SLC35F3: variants seen among roughly 807,000 people sequenced by gnomAD.
SLC35F3 encodes the protein putative thiamine transporter SLC35F3.
SLC35F3 carries 25 observed loss-of-function variants against 49.9 expected under a neutral mutation model. That is an observed-to-expected ratio of 0.50 (90% CI 0.37 to 0.70). The LOEUF (loss-of-function observed/expected upper bound fraction) is 0.70, where lower values mean the gene tolerates loss of function less well. Among genes scored for constraint, SLC35F3 ranks in the 30% least tolerant of loss-of-function variants. The pLI, the probability that SLC35F3 is intolerant of heterozygous loss-of-function variation, is 0.00. For synonymous variants in SLC35F3, 275 were observed against 265.4 expected (o/e 1.04, Z -0.35); for missense variants, 525 against 639.8 (o/e 0.82, Z 1.94).
intron 2 of SLC35F3, among the ~76,000 whole-genome samples, chr1:234,052,081 G>A (rs952245167): frequency 1.3e-5 from 2 of 152,178 alleles, no homozygotes; most frequent in Non-Finnish European, 2.9e-5. Context: ...TGTTCATCAG[G>A]GATATTGGTC....
chr1:234,037,436 A>T (rs1429063548), intron 2 of SLC35F3, among the ~76,000 whole-genome samples: 1 of 152,200 alleles, frequency 6.6e-6, no homozygotes, highest in African/African-American at 2.4e-5. Flanking sequence ...TTGGTATCAC[A>T]TTTTAACATG....
intron 2 of SLC35F3, among the ~76,000 whole-genome samples, chr1:233,931,066 G>T (rs910233264): frequency 6.6e-6 from 1 of 152,128 alleles, no homozygotes; most frequent in Non-Finnish European, 1.5e-5. Context: ...AAATGGTGTC[G>T]GGAAAACTGG....
chr1:234,164,334 G>A (rs538496081), intron 2 of SLC35F3, among the ~76,000 whole-genome samples: 8 of 134,338 alleles, frequency 6.0e-5, no homozygotes, highest in East Asian at 2.2e-4. Context: ...ATCTCTCTCC[G>A]TCTTTCTCTC....
At chr1:234,066,892 C>G (rs1390966377) in intron 2 of SLC35F3, among the ~76,000 whole-genome samples, 7 of 149,880 alleles carry the variant, frequency 4.7e-5, no homozygotes. Flanking sequence ...ATTAAAATCT[C>G]TGTTATTGCA....
At chr1:234,096,156 T>G (rs1665114526) in intron 2 of SLC35F3, among the ~76,000 whole-genome samples, 1 of 152,206 alleles carries the variant, frequency 6.6e-6, no homozygotes, top group Non-Finnish European at 1.5e-5. Context: ...AATATTTCCT[T>G]TTCTCCCCTC....
chr1:234,055,425 C>G (rs765132499), intron 2 of SLC35F3, among the ~76,000 whole-genome samples: 3 of 152,194 alleles, frequency 2.0e-5, no homozygotes, highest in South Asian at 2.1e-4. Flanking sequence ...TAGCAGTGAG[C>G]AAGGCTCCAT....
intron 2 of SLC35F3, among the ~76,000 whole-genome samples, chr1:234,105,987 G>A (rs1371951248): frequency 6.6e-6 from 1 of 152,186 alleles, no homozygotes; most frequent in Admixed American, 6.5e-5. Flanking sequence ...TCAGAGCAAA[G>A]AAACTGTAGG....
intron 3 of SLC35F3, among the ~76,000 whole-genome samples, chr1:234,293,984 A>G (rs542271297): frequency 3.9e-5 from 6 of 152,338 alleles, no homozygotes; most frequent in East Asian, 1.9e-4. Flanking sequence ...ACAAGTCGTT[A>G]TGTCTCTTCA....
rs1264981690 is a variant in SLC35F3, at chr1:233,918,309, T to C, written c.283+12551T>C. Among the ~76,000 whole-genome samples, 3 of 152,234 alleles carry C rather than the reference T, an allele frequency of 2.0e-5. No homozygotes were observed. The East Asian group carries it at 5.8e-4, about 29-fold the overall frequency. The stretch of plus-strand genomic sequence containing the variant: ...GCTGCCAGAATCTCTTGGCCACCTG[T>C]GCCTGATAAGATGGCTGTGTGTGAT... On this transcript the variant is annotated intron_variant, in intron 2 of 7. Coordinates refer to ENST00000366618, the MANE Select transcript of SLC35F3 (RefSeq NM_173508.4).
rs570373988 is a variant in SLC35F3 at position 234,291,846 on chromosome 1, C to T, written c.609-17255C>T. Among the ~76,000 whole-genome samples, 10 of 152,308 alleles carry T rather than the reference C, an allele frequency of 6.6e-5. No individual in the cohort carries two copies. In the South Asian group the frequency reaches 2.1e-3, roughly 32 times the overall value. On this transcript the variant is annotated intron_variant, in intron 3 of 7. Transcript: ENST00000366618. ...TTGGTCCTTGTACTTTCCAAATACA[C>T]TTTAAGGCAAAAGCCAAAAATATTG...
intron 3 of SLC35F3, among the ~76,000 whole-genome samples, chr1:234,304,574 T>C (rs1255344669): frequency 6.6e-6 from 1 of 152,232 alleles, no homozygotes; most frequent in Non-Finnish European, 1.5e-5. Context: ...CACATACCTA[T>C]ATAAATCCTT....
At chr1:234,043,773 A>G (rs1462361694) in intron 2 of SLC35F3, among the ~76,000 whole-genome samples, 1 of 152,216 alleles carries the variant, frequency 6.6e-6, no homozygotes, top group Non-Finnish European at 1.5e-5. Flanking sequence ...TCTGTTATGT[A>G]GTTTGTATTA....
intron 3 of SLC35F3, among the ~76,000 whole-genome samples, chr1:234,302,028 AG>A (rs1668700463): frequency 1.3e-5 from 2 of 152,122 alleles, no homozygotes; most frequent in African/African-American, 4.8e-5. Flanking sequence ...AACACACACC[AG>A]GGCCTGTTGA....
chr1:234,266,875 T>TA lies in SLC35F3; in HGVS notation c.608+35134_608+35135insA, dbSNP rs1218082979. 5.5e-3 allele frequency among the ~76,000 whole-genome samples: 764 copies of TA among 139,254 alleles called. 6 individuals are homozygous for TA. The highest frequency in any genetic ancestry group is 0.021 in the African/African-American group (728 of 33,882). 91.4% of individuals were successfully genotyped at this position (139,254 alleles called of 152,430 possible). On this transcript the variant is annotated intron_variant, in intron 3 of 7. Coordinates refer to ENST00000366618, the MANE Select transcript of SLC35F3 (RefSeq NM_173508.4). ...AAAATGTCCATATGAAGCACATGGT[T>TA]TTTTTTTTTTTTTTTTTTTTTTATT... is the stretch of plus-strand genomic sequence containing the variant.
rs1268708559 is a variant in SLC35F3, at chr1:234,275,563, GTAGGTAGGTAGT to G, written c.609-33526_609-33515del. On this transcript the variant is annotated intron_variant, in intron 3 of 7. Coordinates refer to ENST00000366618, the MANE Select transcript of SLC35F3 (RefSeq NM_173508.4). ...GATAGATAGGTGGGTGGGTTGGCTT[GTAGGTAGGTAGT>G]TAGGTAGGTAGATAGACAGACAGAC... Among the ~76,000 whole-genome samples the G allele has an allele frequency of 2.7e-5, 4 of 150,450 alleles. No individual in the cohort carries two copies. In the East Asian group the frequency reaches 7.8e-4, roughly 29 times the overall value.
At chr1:234,106,462 C>T (rs1008019868) in intron 2 of SLC35F3, among the ~76,000 whole-genome samples, 2 of 152,214 alleles carry the variant, frequency 1.3e-5, no homozygotes, top group African/African-American at 4.8e-5. Flanking sequence ...AGGGTGCCAG[C>T]AGGTTTGCCT....
intron 2 of SLC35F3, among the ~76,000 whole-genome samples, chr1:234,216,233 A>G (rs1000254368): frequency 6.6e-6 from 1 of 152,152 alleles, no homozygotes; most frequent in Non-Finnish European, 1.5e-5. Flanking sequence ...TAGGGTCCTC[A>G]TGGGAAGCTG....
At chr1:234,089,341 G>A (rs1665007614) in intron 2 of SLC35F3, among the ~76,000 whole-genome samples, 2 of 152,216 alleles carry the variant, frequency 1.3e-5, no homozygotes, top group Admixed American at 1.3e-4. Context: ...CGGCATTAGG[G>A]AAGACTTTAG....
intron 3 of SLC35F3, among the ~76,000 whole-genome samples, chr1:234,284,618 T>C (rs1203819944): frequency 6.6e-6 from 1 of 152,220 alleles, no homozygotes; most frequent in Non-Finnish European, 1.5e-5. Context: ...TGATCGTGCC[T>C]CTTGTGTCAA....
Sources: allele counts gnomAD v4.1 joint callset (sites outside exome capture counted in the v4.1 genomes callset), GRCh38; gene constraint gnomAD v4.1.1; transcripts MANE v1.5; gene names NCBI Gene and HGNC (gene_info 2026-07-23, HGNC 2026-07-21).